TNKS: variants seen among roughly 807,000 people sequenced by gnomAD.
The protein encoded by TNKS is tankyrase, also known as poly [ADP-ribose] polymerase tankyrase-1.
In TNKS, 72 loss-of-function variants were observed where a neutral mutation model predicts 135.8. That is an observed-to-expected ratio of 0.53 (90% CI 0.44 to 0.64). The LOEUF is 0.64. Among genes scored for constraint, TNKS ranks in the 30% least tolerant of loss-of-function variants. The pLI, the probability that TNKS is intolerant of heterozygous loss-of-function variation, is 0.00. For synonymous variants in TNKS, 849 were observed against 649.3 expected, an observed-to-expected ratio of 1.31 and a Z score of -4.68; for missense variants, 1,769 against 1,674.0, an observed-to-expected ratio of 1.06 and a Z score of -0.99.
intron 2 of TNKS, among the ~76,000 whole-genome samples, chr8:9,581,858 G>A (rs888216381): frequency 6.6e-6 from 1 of 152,088 alleles, no homozygotes; most frequent in Non-Finnish European, 1.5e-5. Context: ...AGTCCATAAT[G>A]TAAATGCTCT....
intron 1 of TNKS, among the ~76,000 whole-genome samples, chr8:9,563,602 T>G (rs946973807): frequency 6.6e-6 from 1 of 152,204 alleles, no homozygotes; most frequent in Non-Finnish European, 1.5e-5. Context: ...CCATTTTGTG[T>G]TCTTTCTTTT....
Position 9,779,444 on chromosome 8 carries a change from C to G in TNKS, c.*2708C>G, listed in dbSNP as rs966150464. ...CACATGGAAGAAAGAATCTGAACGTCTCCACCGGCTCTACCCGAGTTCCAA... is the reference window on the plus strand; with the variant it reads ...CACATGGAAGAAAGAATCTGAACGTGTCCACCGGCTCTACCCGAGTTCCAA... On this transcript the variant is annotated 3_prime_UTR_variant, in exon 27 of 27. Coordinates refer to ENST00000310430, the MANE Select transcript of TNKS (RefSeq NM_003747.3). The G allele has an allele frequency of 6.6e-6, 1 of 151,754 alleles. No individual in the cohort carries two copies. The allele number at this position is 151,754 out of a possible 1,614,324, so 9.4% of individuals were successfully genotyped here.
At chr8:9,688,838 A>C (rs117315308) in intron 5 of TNKS, among the ~76,000 whole-genome samples, 13,356 of 152,098 alleles carry the variant, frequency 0.088, 659 homozygotes, top group South Asian at 0.16. Flanking sequence ...ATGGCGTTTC[A>C]CTATGTTGGT....
chr8:9,653,811 T>A (rs560722061), intron 3 of TNKS, among the ~76,000 whole-genome samples: 3 of 152,334 alleles, frequency 2.0e-5, no homozygotes, highest in Admixed American at 2.0e-4. Context: ...TTCTTTCTGC[T>A]GGCTCCCCTC....
At chr8:9,657,867 G>T (rs1403055937) in intron 3 of TNKS, among the ~76,000 whole-genome samples, 1,568 of 144,374 alleles carry the variant, frequency 0.011, 21 homozygotes, top group African/African-American at 0.037. Flanking sequence ...GGGCGGAGGG[G>T]CTCCTCACTT....
intron 2 of TNKS, among the ~76,000 whole-genome samples, chr8:9,613,775 T>C (rs1327761269): frequency 1.3e-5 from 2 of 152,238 alleles, no homozygotes; most frequent in Non-Finnish European, 2.9e-5. Flanking sequence ...GGGCAACATA[T>C]AGTAGTTAAA....
chr8:9,598,497 G>C (rs954389978), intron 2 of TNKS, among the ~76,000 whole-genome samples: 2 of 151,656 alleles, frequency 1.3e-5, no homozygotes, highest in Non-Finnish European at 2.9e-5. Flanking sequence ...AATATTAATT[G>C]CCAGGCTGGG....
rs111606039 is a variant in TNKS, at chr8:9,730,600, TA to T, written c.2002-289del. On this transcript the variant is annotated intron_variant, in intron 13 of 26. Transcript: ENST00000310430. ...TTACAAAGATAAAACAGCAAGGCAT[TA>T]TTTGCTTTGGAAATGCTTGCTTTAT... Among the ~76,000 whole-genome samples the T allele has an allele frequency of 4.3e-3, 651 of 152,288 alleles. 4 individuals carry two copies. Among genetic ancestry groups the T allele is most frequent in the African/African-American group, 0.015 (606 of 41,564 alleles).
At position 9,599,007 on chromosome 8, in the gene TNKS, T is replaced by A. The variant is rs1231582331; in HGVS notation, c.899-16575T>A. Among the ~76,000 whole-genome samples the A allele has an allele frequency of 4.0e-5, 6 of 151,682 alleles. No homozygotes were observed. In the South Asian group the frequency reaches 1.3e-3, roughly 32 times the overall value. ...CAGATTGGGAAGCACCTTTTACATG[T>A]GGTCATTGTCCCTTAGAGTTGTGCA... On this transcript the variant is annotated intron_variant, in intron 2 of 26. Coordinates refer to ENST00000310430, the MANE Select transcript of TNKS (RefSeq NM_003747.3).
chr8:9,654,906 A>G (rs2128783275), intron 3 of TNKS, among the ~76,000 whole-genome samples: 2 of 152,224 alleles, frequency 1.3e-5, no homozygotes, highest in South Asian at 4.1e-4. Context: ...GGTGCAGGAC[A>G]GTGGGTGCAA....
chr8:9,660,795 T>A (rs1801667527), intron 3 of TNKS, among the ~76,000 whole-genome samples: 1 of 152,180 alleles, frequency 6.6e-6, no homozygotes, highest in Non-Finnish European at 1.5e-5. Flanking sequence ...GGAAGTCAGA[T>A]TGTCCCTGTT....
intron 12 of TNKS, among the ~76,000 whole-genome samples, chr8:9,725,613 C>A (rs984611678): frequency 3.9e-5 from 6 of 152,140 alleles, no homozygotes; most frequent in African/African-American, 1.4e-4. Context: ...AGATTTTCAG[C>A]ACTCACTTTA....
chr8:9,752,109 C>T (rs1323038035), intron 19 of TNKS, among the ~76,000 whole-genome samples: 1 of 152,124 alleles, frequency 6.6e-6, no homozygotes, highest in Admixed American at 6.5e-5. Context: ...GAAATTGTGT[C>T]AGAACACAAC....
chr8:9,749,850 GC>G (rs1806428252), intron 18 of TNKS, among the ~76,000 whole-genome samples: 1 of 152,136 alleles, frequency 6.6e-6, no homozygotes, highest in African/African-American at 2.4e-5. Flanking sequence ...CATATTTACA[GC>G]CAAGTGGCTT....
At chr8:9,557,996 T>G (rs1797153180) in intron 1 of TNKS, 1 of 152,186 alleles carries the variant, frequency 6.6e-6, no homozygotes, top group Non-Finnish European at 1.5e-5. Context: ...AAGTGTAGAG[T>G]TCCCAATTTT....
At position 9,561,510 on chromosome 8, in the gene TNKS, G is replaced by C. The variant is rs115288961; in HGVS notation, c.673+4898G>C. On this transcript the variant is annotated intron_variant, in intron 1 of 26. Transcript: ENST00000310430. ...CTGTAAGACTTATTTTGCTCAGCAT[G>C]TTTTTGATTTTGTAACGTGTATCAG... 4.1e-3 allele frequency among the ~76,000 whole-genome samples: 618 copies of C among 152,230 alleles called. 7 individuals are homozygous for C. The highest frequency in any genetic ancestry group is 0.014 in the African/African-American group (591 of 41,564).
At chr8:9,623,643 A>G (rs1007938129) in intron 3 of TNKS, among the ~76,000 whole-genome samples, 1 of 152,206 alleles carries the variant, frequency 6.6e-6, no homozygotes, top group African/African-American at 2.4e-5. Flanking sequence ...CAATTTGTAA[A>G]AAATGTATAT....
rs368865516 is a variant in TNKS at position 9,654,551 on chromosome 8, G to T, written c.995-25400G>T. On this transcript the variant is annotated intron_variant, in intron 3 of 26. Transcript: ENST00000310430. The stretch of plus-strand genomic sequence containing the variant: ...TCATTGCAAACTTAACCAAAAAGAA[G>T]AGTAGTTGTTTTACTTTAGATGTTC... Among the ~76,000 whole-genome samples, 5 of 152,296 alleles carry T rather than the reference G, an allele frequency of 3.3e-5. No homozygotes were observed. In the East Asian group the frequency reaches 9.7e-4, roughly 29 times the overall value.
chr8:9,635,865 A>G (rs1168459345), intron 3 of TNKS, among the ~76,000 whole-genome samples: 3 of 152,214 alleles, frequency 2.0e-5, no homozygotes, highest in African/African-American at 7.2e-5. Context: ...AGGAAACTAA[A>G]GAGACATGAC....
Sources: allele counts gnomAD v4.1 joint callset (sites outside exome capture counted in the v4.1 genomes callset), GRCh38; gene constraint gnomAD v4.1.1; transcripts MANE v1.5; gene names NCBI Gene and HGNC (gene_info 2026-07-23, HGNC 2026-07-21).